Variants in METTL15 observed in about 807,000 individuals in gnomAD.
The protein encoded by METTL15 is 12S rRNA N(4)-cytidine methyltransferase METTL15.
Under a neutral mutation model 38.3 loss-of-function variants are expected in METTL15, and 34 were observed. The ratio of observed to expected loss-of-function variants is 0.89; its 90% confidence interval spans 0.68 to 1.18. The LOEUF (loss-of-function observed/expected upper bound fraction) is 1.18. Among genes scored for constraint, METTL15 ranks in the 50% most tolerant of loss-of-function variants. The pLI is 0.00. For missense variants in METTL15, 438 were observed against 498.4 expected (o/e 0.88, Z 1.15); for synonymous variants, 162 against 170.9 (o/e 0.95, Z 0.41).
chr11:28,113,461 T>G lies in METTL15; in HGVS notation c.127T>G (p.Tyr43Asp). The change falls in exon 3 of 7, where the codon TAT (tyrosine) becomes GAT (aspartate). Residue 43 changes from tyrosine to aspartate, a missense_variant. Tyr to Asp is a radical substitution (Grantham distance 160). Transcript: ENST00000407364. ...TACTACAGCAGAAAAATATAGAGAA[T>G]ATGAAGCCCGGGAGCAAACAGATCA... ...IHTTAEKYRE[Y>D]EAREQTDQTQ... 1.2e-6 allele frequency: 2 copies of G among 1,612,018 alleles called. No individual in the cohort carries two copies. Among genetic ancestry groups the G allele is most frequent in the Non-Finnish European group, 1.7e-6 (2 of 1,179,678 alleles).
At chr11:28,308,263 C>A (rs1184816258) in intron 6 of METTL15, among the ~76,000 whole-genome samples, 4 of 152,092 alleles carry the variant, frequency 2.6e-5, no homozygotes, top group South Asian at 4.1e-4. Context: ...TTTTATTTGT[C>A]CTTCGTGAAA....
intron 3 of METTL15, among the ~76,000 whole-genome samples, chr11:28,343,708 T>C (rs1251663005): frequency 1.3e-5 from 2 of 152,230 alleles, no homozygotes; most frequent in Non-Finnish European, 2.9e-5. Flanking sequence ...TGTGCATAGG[T>C]TGTCTTTTAT....
At chr11:28,125,298 G>T (rs983188455) in intron 3 of METTL15, among the ~76,000 whole-genome samples, 3 of 152,036 alleles carry the variant, frequency 2.0e-5, no homozygotes, top group Admixed American at 1.3e-4. Flanking sequence ...TTATATCAGG[G>T]ATATATCAGT....
intron 6 of METTL15, among the ~76,000 whole-genome samples, chr11:28,297,759 C>T (rs1029613362): frequency 6.6e-6 from 1 of 151,876 alleles, no homozygotes; most frequent in Non-Finnish European, 1.5e-5. Flanking sequence ...TTTTATTTAC[C>T]AAATGTATTA....
At chr11:28,272,697 T>A (rs1457595866) in intron 4 of METTL15, among the ~76,000 whole-genome samples, 1 of 152,092 alleles carries the variant, frequency 6.6e-6, no homozygotes, top group Non-Finnish European at 1.5e-5. Flanking sequence ...TGCACATGTA[T>A]CCCAGAACTT....
intron 4 of METTL15, among the ~76,000 whole-genome samples, chr11:28,273,751 G>A (rs536297359): frequency 1.3e-5 from 2 of 152,000 alleles, no homozygotes; most frequent in Non-Finnish European, 2.9e-5. Context: ...ATGAATTTCA[G>A]TACACTGGAC....
At chr11:28,481,839 T>G (rs902047207) in intron 6 of METTL15, among the ~76,000 whole-genome samples, 3 of 152,112 alleles carry the variant, frequency 2.0e-5, no homozygotes, top group African/African-American at 7.2e-5. Flanking sequence ...AATAAATAAT[T>G]TTCTGTTATT....
At chr11:28,376,132 A>T (rs546124205) in intron 5 of METTL15, among the ~76,000 whole-genome samples, 5 of 151,708 alleles carry the variant, frequency 3.3e-5, no homozygotes, top group African/African-American at 7.2e-5. Flanking sequence ...GCTGAAAAAA[A>T]TGTATATTCT....
intron 3 of METTL15, among the ~76,000 whole-genome samples, chr11:28,187,909 A>G (rs549256786): frequency 6.6e-6 from 1 of 151,396 alleles, no homozygotes; most frequent in East Asian, 1.9e-4. Context: ...AATTTTTAAA[A>G]TGTATCTTCT....
chr11:28,279,246 A>G (rs940274757), intron 4 of METTL15, among the ~76,000 whole-genome samples: 2 of 152,106 alleles, frequency 1.3e-5, no homozygotes, highest in Non-Finnish European at 2.9e-5. Flanking sequence ...TAATATTTGC[A>G]TGACATCTAT....
chr11:28,360,949 A>G (rs1850132936), intron 4 of METTL15, among the ~76,000 whole-genome samples: 2 of 151,662 alleles, frequency 1.3e-5, no homozygotes, highest in African/African-American at 4.8e-5. Flanking sequence ...GAGAATGATG[A>G]TTTCCAATTT....
downstream of METTL15, among the ~76,000 whole-genome samples, chr11:28,337,951 G>A (rs1849916538): frequency 6.6e-6 from 1 of 152,088 alleles, no homozygotes; most frequent in Admixed American, 6.6e-5. Context: ...CCCAGAAATA[G>A]ATGTTAATCA....
chr11:28,123,209 T>G (rs1336306780), intron 3 of METTL15, among the ~76,000 whole-genome samples: 2 of 152,122 alleles, frequency 1.3e-5, no homozygotes, highest in Non-Finnish European at 2.9e-5. Flanking sequence ...CAGTACTTGT[T>G]ACTCTCTAGG....
chr11:28,171,319 G>A (rs187885210), intron 3 of METTL15, among the ~76,000 whole-genome samples: 22 of 152,258 alleles, frequency 1.4e-4, no homozygotes, highest in Non-Finnish European at 2.6e-4. Flanking sequence ...TTGTAGTGCA[G>A]CACTAGGTAA....
At chr11:28,212,882 T>C (rs920412076) in intron 4 of METTL15, among the ~76,000 whole-genome samples, 11 of 152,212 alleles carry the variant, frequency 7.2e-5, no homozygotes, top group African/African-American at 2.4e-4. Context: ...TCCAATGATT[T>C]CAGTGGCTCT....
intron 6 of METTL15, among the ~76,000 whole-genome samples, chr11:28,456,734 C>G (rs1249098176): frequency 6.6e-6 from 1 of 152,152 alleles, no homozygotes; most frequent in Non-Finnish European, 1.5e-5. Flanking sequence ...GCCACCGCAC[C>G]TGGCCACAGC....
At chr11:28,208,810 C>T (rs1852490062) in intron 3 of METTL15, among the ~76,000 whole-genome samples, 1 of 151,950 alleles carries the variant, frequency 6.6e-6, no homozygotes, top group South Asian at 2.1e-4. Flanking sequence ...AAGGAGTAAA[C>T]TAATTGGCTC....
At chr11:28,194,939 A>C (rs895050588) in intron 3 of METTL15, among the ~76,000 whole-genome samples, 1 of 151,922 alleles carries the variant, frequency 6.6e-6, no homozygotes, top group African/African-American at 2.4e-5. Flanking sequence ...TTTATAAGGG[A>C]GAACATGGAG....
intron 5 of METTL15, among the ~76,000 whole-genome samples, chr11:28,396,567 AC>A (rs1423451892): frequency 6.6e-6 from 1 of 152,162 alleles, no homozygotes; most frequent in Non-Finnish European, 1.5e-5. Flanking sequence ...AGAACTACAA[AC>A]CACTGCTCAA....
Sources: gnomAD v4.1 joint callset for allele counts (sites outside exome capture counted in the v4.1 genomes callset) on GRCh38, gnomAD v4.1.1 for gene constraint, MANE v1.5 for transcripts, NCBI Gene and HGNC (gene_info 2026-07-23, HGNC 2026-07-21) for gene names.